The following EML6 variants were observed in gnomAD, a reference collection of about 807,000 sequenced individuals.
EML6 encodes the protein EMAP like 6.
In EML6, 154 loss-of-function variants were observed where a neutral mutation model predicts 240.1. That is an observed-to-expected ratio of 0.64 (90% CI 0.56 to 0.73). The LOEUF is 0.73. EML6 is among the 30% of genes least tolerant of loss of function. EML6 has a pLI of 0.00. For missense variants in EML6, 2,964 were observed against 2,474.6 expected, an observed-to-expected ratio of 1.20 and a Z score of -4.20; for synonymous variants, 1,148 against 899.0, an observed-to-expected ratio of 1.28 and a Z score of -4.95.
chr2:54,747,087 A>G (rs1017129413), intron 2 of EML6: 6 of 152,260 alleles, frequency 3.9e-5, no homozygotes, highest in African/African-American at 9.6e-5. Context: ...TTGTGTTCAC[A>G]GGAATCTTAA....
At chr2:54,776,339 C>T (rs969112169) in intron 2 of EML6, among the ~76,000 whole-genome samples, 2 of 152,062 alleles carry the variant, frequency 1.3e-5, no homozygotes, top group Admixed American at 6.6e-5. Context: ...TGTAAAACTG[C>T]CTGGGCTCGG....
intron 5 of EML6, among the ~76,000 whole-genome samples, chr2:54,823,743 C>G (rs1351055995): frequency 2.6e-5 from 4 of 152,000 alleles, no homozygotes; most frequent in Non-Finnish European, 4.4e-5. Context: ...ACCCAGGACC[C>G]TAGGGGGTTA....
rs1240233327 is a variant in EML6, at chr2:54,859,632, C to T, written c.1756C>T (p.His586Tyr). 6.4e-7 allele frequency: 1 copy of T among 1,551,384 alleles called. No homozygotes were observed. The highest frequency in any genetic ancestry group is 1.4e-5 in the African/African-American group (1 of 73,152). The change falls in exon 12 of 42, where the codon CAC becomes TAC. Residue 586 changes from histidine (H) to tyrosine (Y), a missense_variant. By Grantham distance (83) the His-to-Tyr change is moderately conservative. Transcript: ENST00000356458. Reference protein sequence around the residue: ...QWVLSTGGADHSVFQWRFIPE... With the variant: ...QWVLSTGGADYSVFQWRFIPE... ...GGTGTTGAGCACAGGAGGGGCTGATCACTCAGTTTTCCAGTGGAGGTTTAT... is the reference window on the plus strand; with the variant it reads ...GGTGTTGAGCACAGGAGGGGCTGATTACTCAGTTTTCCAGTGGAGGTTTAT...
intron 41 of EML6, among the ~76,000 whole-genome samples, chr2:54,969,443 T>C (rs187928732): frequency 6.6e-6 from 1 of 152,322 alleles, no homozygotes; most frequent in East Asian, 1.9e-4. Context: ...TCTCATGGCC[T>C]GCCTGGGAGC....
rs751000361 is a variant in EML6, at chr2:54,815,128, G to A, written c.358-1659G>A. Reference sequence around the variant, plus strand: ...TCACAAGAAAATGTAATGCAGCAGAGGAAAATCCAGCTTTAAAAATCCAGC... The same window carrying A: ...TCACAAGAAAATGTAATGCAGCAGAAGAAAATCCAGCTTTAAAAATCCAGC... On this transcript the variant is annotated intron_variant, in intron 3 of 41. Coordinates refer to ENST00000356458, the MANE Select transcript of EML6 (RefSeq NM_001039753.4). Among the ~76,000 whole-genome samples the A allele has an allele frequency of 8.5e-5, 13 of 152,204 alleles. No individual in the cohort carries two copies. The South Asian group carries it at 1.0e-3, about 12-fold the overall frequency.
At chr2:54,810,199 C>A (rs1043440321) in intron 2 of EML6, among the ~76,000 whole-genome samples, 3 of 151,938 alleles carry the variant, frequency 2.0e-5, no homozygotes, top group African/African-American at 7.3e-5. Flanking sequence ...TGTGAAGGAA[C>A]TTCTGGCAAG....
At chr2:54,810,590 G>T (rs1293614384) in intron 2 of EML6, among the ~76,000 whole-genome samples, 2 of 152,188 alleles carry the variant, frequency 1.3e-5, no homozygotes, top group Non-Finnish European at 2.9e-5. Flanking sequence ...TCTCTTGAAA[G>T]TGTTTCTGGC....
At position 54,866,772 on chromosome 2, in the gene EML6, A is replaced by G. The variant is rs570725982; in HGVS notation, c.1939A>G (p.Lys647Glu). The G allele has an allele frequency of 6.5e-7, 1 of 1,548,360 alleles. No individual in the cohort carries two copies. Among genetic ancestry groups the G allele is most frequent in the South Asian group, 1.2e-5 (1 of 83,932 alleles). The part of the protein sequence containing the change: ...AQINYDRQVY[K>E]EDLPQLKQQS... ...GTTTCTGTTGTACTTTAAGGTTTAC[A>G]AAGAAGATCTACCTCAGCTAAAGCA... Residue 647 changes from lysine to glutamate, a missense_variant, in exon 14 of 42, where the codon AAA (lysine) becomes GAA (glutamate). Lys to Glu is a moderately conservative substitution (Grantham distance 56). Coordinates refer to ENST00000356458, the MANE Select transcript of EML6 (RefSeq NM_001039753.4).
intron 2 of EML6, among the ~76,000 whole-genome samples, chr2:54,811,328 C>G (rs940435430): frequency 2.6e-5 from 4 of 152,222 alleles, no homozygotes; most frequent in African/African-American, 9.7e-5. Context: ...CCTGCCTGAC[C>G]CATCTCATTT....
chr2:54,782,239 T>A (rs1382369663), intron 2 of EML6, among the ~76,000 whole-genome samples: 1 of 152,224 alleles, frequency 6.6e-6, no homozygotes, highest in Non-Finnish European at 1.5e-5. Flanking sequence ...GTTGATTAGT[T>A]CTTTTCCCTG....
intron 13 of EML6, among the ~76,000 whole-genome samples, chr2:54,866,463 TAAAAC>T (rs1477811258): frequency 6.6e-6 from 1 of 152,192 alleles, no homozygotes; most frequent in Admixed American, 6.5e-5. Flanking sequence ...TTAGAAGAAA[TAAAAC>T]AAACTATTTT....
intron 38 of EML6, among the ~76,000 whole-genome samples, chr2:54,966,258 T>G (rs951883231): frequency 6.6e-6 from 1 of 152,244 alleles, no homozygotes; most frequent in Non-Finnish European, 1.5e-5. Context: ...AAGTGATATT[T>G]AAGCTGAGGT....
chr2:54,835,105 C>T (rs935409548), intron 7 of EML6, among the ~76,000 whole-genome samples: 1 of 152,240 alleles, frequency 6.6e-6, no homozygotes, highest in African/African-American at 2.4e-5. Flanking sequence ...CTTCCCTCCT[C>T]TCCTTCAAAC....
At chr2:54,870,118 A>C (rs977164243) in intron 15 of EML6, among the ~76,000 whole-genome samples, 4 of 152,220 alleles carry the variant, frequency 2.6e-5, no homozygotes, top group Admixed American at 2.6e-4. Context: ...CTAAGTGGCA[A>C]ATTCTAAGAA....
intron 14 of EML6, chr2:54,867,774 AG>A (rs1307944320): frequency 6.6e-6 from 1 of 152,184 alleles, no homozygotes; most frequent in Non-Finnish European, 1.5e-5. Context: ...TACCTGAAGA[AG>A]TCCTTCTAAA....
chr2:54,938,497 C>T (rs548536725), intron 28 of EML6, among the ~76,000 whole-genome samples: 11 of 152,288 alleles, frequency 7.2e-5, no homozygotes, highest in Non-Finnish European at 1.3e-4. Context: ...TCCTTTATTT[C>T]TCTGAGATGT....
At chr2:54,728,187 A>G (rs1233361754) in intron 2 of EML6, among the ~76,000 whole-genome samples, 1 of 152,266 alleles carries the variant, frequency 6.6e-6, no homozygotes. Flanking sequence ...TAACAACAAG[A>G]TGCAAATCAG....
chr2:54,905,296 G>T (rs922334933), intron 24 of EML6, among the ~76,000 whole-genome samples: 1 of 145,540 alleles, frequency 6.9e-6, no homozygotes, highest in African/African-American at 2.6e-5. Flanking sequence ...GTAGAATAGG[G>T]TCTGATTAAC....
chr2:54,958,717 C>G (rs1161379789), intron 33 of EML6, among the ~76,000 whole-genome samples: 2 of 152,160 alleles, frequency 1.3e-5, no homozygotes, highest in African/African-American at 2.4e-5. Flanking sequence ...AATGCAAGCT[C>G]CAACTTCGTG....
Sources: allele counts gnomAD v4.1 joint callset (sites outside exome capture counted in the v4.1 genomes callset), GRCh38; gene constraint gnomAD v4.1.1; transcripts MANE v1.5; gene names NCBI Gene and HGNC (gene_info 2026-07-23, HGNC 2026-07-21).